Variants in NXPH1 observed in about 807,000 individuals in gnomAD.
The protein encoded by NXPH1 is neurexophilin-1.
A neutral mutation model predicts 23.7 loss-of-function variants in NXPH1; 5 were observed. That is an observed-to-expected ratio of 0.21 (90% CI 0.11 to 0.44). NXPH1 has a LOEUF of 0.44. NXPH1 is among the 20% of genes least tolerant of loss of function. NXPH1 has a pLI of 0.99. For missense variants in NXPH1, 324 were observed against 321.6 expected (o/e 1.01, Z -0.06); for synonymous variants, 144 against 122.2 (o/e 1.18, Z -1.18).
chr7:8,700,943 C>T (rs1342838151), intron 2 of NXPH1, among the ~76,000 whole-genome samples: 1 of 152,012 alleles, frequency 6.6e-6, no homozygotes, highest in African/African-American at 2.4e-5. Flanking sequence ...AGTAATATTT[C>T]ATGATATGTG....
At chr7:8,721,542 G>T (rs188765100) in intron 2 of NXPH1, among the ~76,000 whole-genome samples, 1 of 152,152 alleles carries the variant, frequency 6.6e-6, no homozygotes, top group African/African-American at 2.4e-5. Flanking sequence ...TTGGGAGGCC[G>T]AGGTGGGTGG....
intron 2 of NXPH1, among the ~76,000 whole-genome samples, chr7:8,632,977 C>T (rs542190233): frequency 7.2e-5 from 11 of 152,274 alleles, no homozygotes; most frequent in African/African-American, 2.4e-4. Flanking sequence ...ATGGATGATT[C>T]TTTTTCAAAT....
chr7:8,686,393 A>G (rs1162515904), intron 2 of NXPH1, among the ~76,000 whole-genome samples: 1 of 152,202 alleles, frequency 6.6e-6, no homozygotes, highest in Non-Finnish European at 1.5e-5. Context: ...CTTCAAAATC[A>G]AAGCCTGTTT....
intron 2 of NXPH1, among the ~76,000 whole-genome samples, chr7:8,748,002 A>C (rs566282122): frequency 1.3e-5 from 2 of 152,352 alleles, no homozygotes; most frequent in East Asian, 3.9e-4. Flanking sequence ...ATGTGAGAGT[A>C]AATATTTTTC....
intron 2 of NXPH1, among the ~76,000 whole-genome samples, chr7:8,547,945 A>G (rs1203411287): frequency 1.3e-5 from 2 of 151,592 alleles, no homozygotes; most frequent in Non-Finnish European, 3.0e-5. Context: ...TGCTTCAATG[A>G]ACATACAAGT....
intron 2 of NXPH1, among the ~76,000 whole-genome samples, chr7:8,513,006 G>A (rs1817635284): frequency 1.3e-5 from 2 of 152,076 alleles, no homozygotes; most frequent in Admixed American, 6.6e-5. Flanking sequence ...TCGACCCTCA[G>A]TCTCTCTAAG....
intron 2 of NXPH1, among the ~76,000 whole-genome samples, chr7:8,594,185 G>A (rs1305134049): frequency 6.6e-6 from 1 of 152,030 alleles, no homozygotes; most frequent in African/African-American, 2.4e-5. Context: ...TAAATGTTAA[G>A]AGAATGCTGA....
intron 2 of NXPH1, among the ~76,000 whole-genome samples, chr7:8,539,363 G>A (rs990713214): frequency 4.0e-5 from 6 of 151,784 alleles, no homozygotes; most frequent in Non-Finnish European, 7.4e-5. Flanking sequence ...GAGGTTTGTT[G>A]GATAGAGGCC....
At chr7:8,612,566 A>C (rs1314630629) in intron 2 of NXPH1, among the ~76,000 whole-genome samples, 2 of 152,074 alleles carry the variant, frequency 1.3e-5, no homozygotes, top group Non-Finnish European at 2.9e-5. Flanking sequence ...AAGTTATAAG[A>C]GAGTCTAATC....
intron 2 of NXPH1, among the ~76,000 whole-genome samples, chr7:8,667,530 A>G (rs1052714542): frequency 6.7e-6 from 1 of 150,210 alleles, no homozygotes; most frequent in African/African-American, 2.5e-5. Flanking sequence ...CCTTTAATGA[A>G]TTTTTTTTCT....
chr7:8,678,085 T>C (rs1562451840), intron 2 of NXPH1, among the ~76,000 whole-genome samples: 1 of 152,184 alleles, frequency 6.6e-6, no homozygotes, highest in Non-Finnish European at 1.5e-5. Context: ...TAGAGGATAC[T>C]TTTGAGAGAA....
intron 2 of NXPH1, among the ~76,000 whole-genome samples, chr7:8,626,899 C>T (rs1304686608): frequency 2.0e-5 from 3 of 152,108 alleles, no homozygotes; most frequent in Non-Finnish European, 2.9e-5. Context: ...CACCTCTGCT[C>T]AGACTCCCTC....
At chr7:8,451,327 G>T (rs1350687604) in intron 2 of NXPH1, among the ~76,000 whole-genome samples, 1 of 152,074 alleles carries the variant, frequency 6.6e-6, no homozygotes, top group Non-Finnish European at 1.5e-5. Flanking sequence ...TAATTGTCAT[G>T]ATTTTGATCG....
chr7:8,673,564 C>G (rs1357774282), intron 2 of NXPH1, among the ~76,000 whole-genome samples: 1 of 152,084 alleles, frequency 6.6e-6, no homozygotes, highest in African/African-American at 2.4e-5. Context: ...TTATTAGTTA[C>G]TAGCTGTATT....
chr7:8,479,128 G>A (rs1216487968), intron 2 of NXPH1, among the ~76,000 whole-genome samples: 1 of 152,046 alleles, frequency 6.6e-6, no homozygotes, highest in Non-Finnish European at 1.5e-5. Flanking sequence ...ATAGTTACTT[G>A]TAGAACTAAG....
intron 2 of NXPH1, among the ~76,000 whole-genome samples, chr7:8,551,586 G>A (rs758049738): frequency 1.1e-4 from 16 of 151,446 alleles, no homozygotes; most frequent in Non-Finnish European, 2.1e-4. Context: ...ATCCTTTACA[G>A]TTATCTTTTA....
At chr7:8,439,143 C>T (rs1816248467) in intron 2 of NXPH1, among the ~76,000 whole-genome samples, 1 of 152,154 alleles carries the variant, frequency 6.6e-6, no homozygotes, top group Non-Finnish European at 1.5e-5. Flanking sequence ...GTTTTGCAAT[C>T]TTTATTCTCT....
intron 2 of NXPH1, among the ~76,000 whole-genome samples, chr7:8,734,423 A>G (rs1227023023): frequency 6.6e-6 from 1 of 152,174 alleles, no homozygotes; most frequent in Non-Finnish European, 1.5e-5. Context: ...CGTCAATGGT[A>G]GCTTGATGGG....
At chr7:8,493,844 G>A (rs749340447) in intron 2 of NXPH1, among the ~76,000 whole-genome samples, 8 of 151,824 alleles carry the variant, frequency 5.3e-5, no homozygotes, top group East Asian at 1.9e-4. Context: ...TTTCTCTCTC[G>A]GTCTCATTTT....
Sources: allele counts gnomAD v4.1 joint callset (sites outside exome capture counted in the v4.1 genomes callset), GRCh38; gene constraint gnomAD v4.1.1; transcripts MANE v1.5; gene names NCBI Gene and HGNC (gene_info 2026-07-23, HGNC 2026-07-21).